LOXL2: variants seen among roughly 807,000 people sequenced by gnomAD.
LOXL2 encodes the protein lysyl oxidase homolog 2.
Under a neutral mutation model 93.0 loss-of-function variants are expected in LOXL2, and 70 were observed. The ratio of observed to expected loss-of-function variants is 0.75; its 90% CI spans 0.62 to 0.92. The LOEUF is 0.92. Ranked by LOEUF, LOXL2 falls within the 40% of genes least tolerant of loss-of-function variation. The pLI is 0.00. For missense variants in LOXL2, 973 were observed against 1,054.9 expected (o/e 0.92, Z 1.08); for synonymous variants, 438 against 413.2 (o/e 1.06, Z -0.73).
intron 3 of LOXL2, 118 bp from the exon 4 acceptor site, chr8:23,341,321 C>T (rs1291773758): frequency 1.2e-6 from 1 of 805,400 alleles, no homozygotes; most frequent in East Asian, 2.6e-5. Flanking sequence ...CCTGCCTGTG[C>T]CCTCAGGCCC....
At position 23,298,082 on chromosome 8, in the gene LOXL2, G is replaced by A; in HGVS notation, c.2286C>T (p.His762=). 2 of 1,613,924 alleles carry A rather than the reference G, an allele frequency of 1.2e-6. No individual in the cohort carries two copies. The highest frequency in any genetic ancestry group is 1.7e-6 in the Non-Finnish European group (2 of 1,180,028). ...GCTGGTTGTTTAAGAGCCCGCTGAA[G>A]TGCTCAAACTTTTTTTCCGTCTCTT... The part of the protein sequence containing the change: ...FSEETEKKFE[H]FSGLLNNQLS... The change falls in exon 14 of 14, where the codon CAC becomes CAT. Residue 762 remains histidine, a synonymous_variant. Transcript: ENST00000389131.
chr8:23,366,073 A>G (rs576665479), intron 2 of LOXL2: 2 of 152,238 alleles, frequency 1.3e-5, no homozygotes, highest in Non-Finnish European at 2.9e-5. Flanking sequence ...TTGTCTGACA[A>G]CAGGTGTTTT....
chr8:23,368,085 G>C lies in LOXL2; in HGVS notation c.267C>G (p.Ser89=). Residue 89 remains serine (S), a synonymous_variant, in exon 2 of 14, where the codon TCC becomes TCG. Coordinates refer to ENST00000389131, the MANE Select transcript of LOXL2 (RefSeq NM_002318.3). The part of the protein sequence containing the change: ...QWGTVCDDDF[S]IHAAHVVCRE... ...GGCAGACGACGTGGGCAGCGTGGATGGAGAAGTCGTCATCGCACACGGTGC... is the reference window on the plus strand; with the variant it reads ...GGCAGACGACGTGGGCAGCGTGGATCGAGAAGTCGTCATCGCACACGGTGC... 1 of 1,614,104 alleles carries C rather than the reference G, an allele frequency of 6.2e-7. No homozygotes were observed. The highest frequency in any genetic ancestry group is 8.5e-7 in the Non-Finnish European group (1 of 1,180,052).
At chr8:23,367,451 C>T (rs1180048983) in intron 2 of LOXL2, among the ~76,000 whole-genome samples, 1 of 152,136 alleles carries the variant, frequency 6.6e-6, no homozygotes, top group African/African-American at 2.4e-5. Flanking sequence ...ATCTGTGTGC[C>T]TATTGTGACC....
intron 1 of LOXL2, among the ~76,000 whole-genome samples, chr8:23,390,736 C>T (rs959513098): frequency 6.6e-6 from 1 of 152,154 alleles, no homozygotes; most frequent in Non-Finnish European, 1.5e-5. Context: ...TTCTCTGCAG[C>T]TCATAAAGGG....
chr8:23,359,017 C>CT (rs377249076), intron 3 of LOXL2, among the ~76,000 whole-genome samples: 235 of 151,314 alleles, frequency 1.6e-3, no homozygotes, highest in African/African-American at 5.1e-3. Flanking sequence ...ATTTTTTTTT[C>CT]TTTTTTTTGT....
chr8:23,351,800 C>T (rs1368247830), intron 3 of LOXL2, among the ~76,000 whole-genome samples: 2 of 152,148 alleles, frequency 1.3e-5, no homozygotes, highest in African/African-American at 4.8e-5. Context: ...TACATATAGA[C>T]TCTTAGTAAA....
intron 5 of LOXL2, among the ~76,000 whole-genome samples, chr8:23,332,507 C>T (rs1391055427): frequency 1.0e-4 from 10 of 95,866 alleles, no homozygotes; most frequent in Admixed American, 7.4e-4. Context: ...CATACACACA[C>T]ATACACATCC....
intron 5 of LOXL2, among the ~76,000 whole-genome samples, chr8:23,329,577 A>T (rs774727488): frequency 1.6e-4 from 24 of 151,764 alleles, no homozygotes; most frequent in Admixed American, 6.6e-5. Context: ...TGCATGCTGC[A>T]TGTATGCGTG....
rs369650171 is a variant in LOXL2, at chr8:23,302,128, C to T, written c.2032G>A (p.Asp678Asn). Residue 678 changes from aspartate (D) to asparagine (N), a missense_variant, in exon 12 of 14, where the codon GAT becomes AAT. Physicochemically the swap from Asp to Asn is conservative, Grantham distance 23. Coordinates refer to ENST00000389131, the MANE Select transcript of LOXL2 (RefSeq NM_002318.3). ...QKNYECANFG[D>N]QGITMGCWDM... Reference sequence around the variant, plus strand: ...CAGCAGCCCATGGTGATGCCCTGATCGCCGAAGTTGGCACACTCGTAATTC... The same window carrying T: ...CAGCAGCCCATGGTGATGCCCTGATTGCCGAAGTTGGCACACTCGTAATTC... 37 of 1,614,022 alleles carry T rather than the reference C, an allele frequency of 2.3e-5. No homozygotes were observed. Among genetic ancestry groups the T allele is most frequent in the African/African-American group, 2.7e-5 (2 of 74,912 alleles).
At chr8:23,351,501 T>C (rs914863083) in intron 3 of LOXL2, among the ~76,000 whole-genome samples, 1 of 152,256 alleles carries the variant, frequency 6.6e-6, no homozygotes, top group Admixed American at 6.5e-5. Context: ...TTTGAGTACA[T>C]CCTGTTCATT....
intron 4 of LOXL2, among the ~76,000 whole-genome samples, chr8:23,337,845 G>A (rs562201521): frequency 6.6e-6 from 1 of 152,326 alleles, no homozygotes; most frequent in Admixed American, 6.5e-5. Context: ...CAATCAGAGA[G>A]CAGGCCTTGG....
chr8:23,309,534 C>A (rs972812151), intron 10 of LOXL2, 134 bp downstream of exon 10: 5 of 1,079,284 alleles, frequency 4.6e-6, no homozygotes, highest in African/African-American at 1.6e-5. Flanking sequence ...GCAAGCCCCC[C>A]ACTTAGGAGG....
At chr8:23,374,683 C>T (rs1804558336) in intron 1 of LOXL2, among the ~76,000 whole-genome samples, 1 of 152,174 alleles carries the variant, frequency 6.6e-6, no homozygotes, top group Non-Finnish European at 1.5e-5. Context: ...TTTTGATTTG[C>T]ATTTCTCTGA....
rs577255575 is a variant in LOXL2, at chr8:23,393,071, A to C, written c.-84+10883T>G. On this transcript the variant is annotated intron_variant, in intron 1 of 13. Transcript: ENST00000389131. The stretch of plus-strand genomic sequence containing the variant: ...AAAGAAATTAAAGACGATCTAAATA[A>C]ATGGGAAAACATCCCATGTTCATGG... Among the ~76,000 whole-genome samples the C allele has an allele frequency of 7.9e-5, 12 of 152,374 alleles. No individual in the cohort carries two copies. In the East Asian group the frequency reaches 1.9e-3, roughly 24 times the overall value.
chr8:23,322,260 T>C lies in LOXL2; in HGVS notation c.1172A>G (p.Asn391Ser). The part of the protein sequence containing the change: ...LGQGIGPIHL[N>S]EIQCTGNEKS... Reference sequence around the variant, plus strand: ...CTCATTGCCTGTGCACTGGATCTCGTTGAGGTGGATGGGTCCGATCCCTGC... The same window carrying C: ...CTCATTGCCTGTGCACTGGATCTCGCTGAGGTGGATGGGTCCGATCCCTGC... The change falls in exon 7 of 14, where the codon AAC (asparagine) becomes AGC (serine). Residue 391 changes from asparagine (N) to serine (S), a missense_variant. Coordinates refer to ENST00000389131, the MANE Select transcript of LOXL2 (RefSeq NM_002318.3). 1 of 1,614,230 alleles carries C rather than the reference T, an allele frequency of 6.2e-7. No individual in the cohort carries two copies. The highest frequency in any genetic ancestry group is 8.5e-7 in the Non-Finnish European group (1 of 1,180,032).
At chr8:23,377,681 T>C (rs1248936544) in intron 1 of LOXL2, among the ~76,000 whole-genome samples, 1 of 152,222 alleles carries the variant, frequency 6.6e-6, no homozygotes, top group African/African-American at 2.4e-5. Flanking sequence ...TTGATCCCTT[T>C]ACCATTATGT....
Position 23,302,162 on chromosome 8 carries a change from G to T in LOXL2, c.1998C>A (p.Asp666Glu). 1 of 1,614,156 alleles carries T rather than the reference G, an allele frequency of 6.2e-7. No homozygotes were observed. The highest frequency in any genetic ancestry group is 1.1e-5 in the South Asian group (1 of 91,084). Residue 666 changes from aspartate (D) to glutamate (E), a missense_variant and splice_region_variant, in exon 12 of 14, where the codon GAC becomes GAA. Coordinates refer to ENST00000389131, the MANE Select transcript of LOXL2 (RefSeq NM_002318.3). ...TGGCACACTCGTAATTCTTCTGGATGTCTGCGGGCAGGGTAGAGGAGAGCT... is the reference window on the plus strand; with the variant it reads ...TGGCACACTCGTAATTCTTCTGGATTTCTGCGGGCAGGGTAGAGGAGAGCT... ...FCLEDTECEG[D>E]IQKNYECANF...
intron 5 of LOXL2, 136 bp from the exon 6 acceptor site, chr8:23,328,701 A>G: frequency 1.6e-6 from 1 of 626,914 alleles, no homozygotes; most frequent in South Asian, 1.8e-5. Flanking sequence ...ACTATGCTTG[A>G]TGTATGGATG....
Sources: gnomAD v4.1 joint callset for allele counts (sites outside exome capture counted in the v4.1 genomes callset) on GRCh38, gnomAD v4.1.1 for gene constraint, MANE v1.5 for transcripts, NCBI Gene and HGNC (gene_info 2026-07-23, HGNC 2026-07-21) for gene names.